The following NOL9 variants were observed in gnomAD, a reference collection of about 807,000 sequenced individuals.
NOL9 encodes the protein nucleolar protein 9.
NOL9 carries 28 observed loss-of-function variants against 67.9 expected under a neutral mutation model. The ratio of observed to expected loss-of-function variants is 0.41; its 90% CI spans 0.31 to 0.57. The LOEUF is 0.57. NOL9 is among the 20% of genes least tolerant of loss of function. The pLI is 0.25. For missense variants in NOL9, 777 were observed against 897.0 expected, an observed-to-expected ratio of 0.87 and a Z score of 1.71; for synonymous variants, 356 against 352.2, an observed-to-expected ratio of 1.01 and a Z score of -0.12.
intron 6 of NOL9, 150 bp from the exon 7 acceptor site, chr1:6,533,591 T>A: frequency 1.9e-6 from 1 of 516,918 alleles, no homozygotes; most frequent in Non-Finnish European, 3.2e-6. Context: ...ACACTCTAAT[T>A]CCATTTTTTG....
intron 1 of NOL9, among the ~76,000 whole-genome samples, chr1:6,551,749 C>T (rs967913137): frequency 3.9e-5 from 6 of 151,932 alleles, no homozygotes; most frequent in African/African-American, 1.4e-4. Flanking sequence ...AATCAAATAT[C>T]GGCCGGGTGT....
chr1:6,550,637 A>G, intron 1 of NOL9, 22 bp from the exon 2 acceptor site: 1 of 1,565,748 alleles, frequency 6.4e-7, no homozygotes, highest in Non-Finnish European at 8.8e-7. Flanking sequence ...AGAAAACAGA[A>G]AAAACATTAT....
Position 6,529,067 on chromosome 1 carries a change from C to G in NOL9, c.1752G>C (p.Gln584His). ...CATTCGTGTATCCTCTGACGTCATC[C>G]TGGATCTTGCAAAGACCAACCCAGC... is the stretch of plus-strand genomic sequence containing the variant. ...NASWVGLCKI[Q>H]DDVRGYTNGP... is the part of the protein sequence containing the mutation. The change falls in exon 10 of 12, where the codon CAG becomes CAC. Residue 584 changes from glutamine (Q) to histidine (H), a missense_variant. Physicochemically the swap from Gln to His is conservative, Grantham distance 24 (BLOSUM62 0). Coordinates refer to ENST00000377705, the MANE Select transcript of NOL9 (RefSeq NM_024654.5). The G allele has an allele frequency of 6.2e-7, 1 of 1,614,134 alleles. No individual in the cohort carries two copies. Among genetic ancestry groups the G allele is most frequent in the Non-Finnish European group, 8.5e-7 (1 of 1,180,030 alleles).
chr1:6,547,646 A>G (rs997067598), intron 3 of NOL9, among the ~76,000 whole-genome samples: 6 of 152,066 alleles, frequency 3.9e-5, no homozygotes, highest in East Asian at 1.9e-4. Flanking sequence ...CTGGAGTCCA[A>G]GAGTTCGTGA....
intron 3 of NOL9, among the ~76,000 whole-genome samples, chr1:6,546,932 G>A (rs185191475): frequency 1.9e-3 from 288 of 152,200 alleles, no homozygotes; most frequent in African/African-American, 6.6e-3. Context: ...GCTACTTCCC[G>A]GCCTCTACAG....
At chr1:6,532,167 C>A in intron 8 of NOL9, 88 bp from the exon 9 acceptor site, 1 of 1,044,346 alleles carries the variant, frequency 9.6e-7, no homozygotes. Flanking sequence ...CACATTTTCA[C>A]AGAGTACTGG....
chr1:6,529,237 C>G, intron 9 of NOL9, 66 bp from the exon 10 acceptor site: 1 of 1,396,516 alleles, frequency 7.2e-7, no homozygotes, highest in Non-Finnish European at 1.0e-6. Flanking sequence ...ATTTCTACAA[C>G]TAGATTAACC....
intron 6 of NOL9, 106 bp downstream of exon 6, chr1:6,541,724 A>G (rs909693809): frequency 3.7e-6 from 2 of 546,710 alleles, no homozygotes; most frequent in African/African-American, 1.9e-5. Context: ...TGGTAGGCGC[A>G]TGTTCCCTTT....
At chr1:6,542,073 A>C in intron 5 of NOL9, 146 bp from the exon 6 acceptor site, 1 of 468,612 alleles carries the variant, frequency 2.1e-6, no homozygotes, top group Non-Finnish European at 3.7e-6. Flanking sequence ...TCAAGATGAC[A>C]ATCGCTGTTT....
At chr1:6,527,882 G>A (rs1638927094) in intron 10 of NOL9, among the ~76,000 whole-genome samples, 1 of 151,962 alleles carries the variant, frequency 6.6e-6, no homozygotes, top group South Asian at 2.1e-4. Flanking sequence ...AGTGAACGGA[G>A]ATCACACCAT....
Position 6,525,374 on chromosome 1 carries a change from C to T in NOL9, c.*480G>A, listed in dbSNP as rs1638859304. 1 of 174,588 alleles carries T rather than the reference C, an allele frequency of 5.7e-6. No individual in the cohort carries two copies. The highest frequency in any genetic ancestry group is 5.4e-5 in the Admixed American group (1 of 18,394). The allele number at this position is 174,588 out of a possible 1,614,324, so 10.8% of individuals were successfully genotyped here. A position where few individuals can be genotyped will look rare whatever the true frequency, so the allele number is the denominator to read the frequency against. The stretch of plus-strand genomic sequence containing the variant: ...ACCAAATGGATGGGCTGTAACCATC[C>T]ACACTGGCTCCAAGGAAGCAGACCG... On this transcript the variant is annotated 3_prime_UTR_variant, in exon 12 of 12. Transcript: ENST00000377705.
intron 11 of NOL9, among the ~76,000 whole-genome samples, chr1:6,526,466 A>T (rs773980549): frequency 2.0e-5 from 3 of 152,086 alleles, no homozygotes; most frequent in Non-Finnish European, 2.9e-5. Flanking sequence ...TAAAGGCTCC[A>T]CCACGGGTTG....
intron 10 of NOL9, among the ~76,000 whole-genome samples, chr1:6,527,203 C>T (rs1461052154): frequency 6.8e-6 from 1 of 148,040 alleles, no homozygotes; most frequent in Non-Finnish European, 1.5e-5. Flanking sequence ...GCCGAGATGG[C>T]GCCACTGTAC....
intron 3 of NOL9, among the ~76,000 whole-genome samples, chr1:6,546,071 A>G (rs1316959229): frequency 6.6e-6 from 1 of 152,158 alleles, no homozygotes; most frequent in Non-Finnish European, 1.5e-5. Context: ...GCAATTATCA[A>G]TCACTGAGGG....
In NOL9 at chr1:6,525,961, T is replaced by C; in HGVS notation, c.2002A>G (p.Asn668Asp). Residue 668 changes from asparagine to aspartate, a missense_variant, in exon 12 of 12, where the codon AAT (asparagine) becomes GAT (aspartate). Around this residue, in one of 2 missense-constraint regions of NOL9, gnomAD observed 413 missense variants for 552.6 expected, o/e 0.75. Transcript: ENST00000377705. The part of the protein sequence containing the change: ...GTVPYVTTDY[N>D]FKLPGASEKI... ...TCTGATGCTCCAGGAAGTTTAAAAT[T>C]GTAATCCGTTGTGACATAAGGTACT... 2 of 1,614,054 alleles carry C rather than the reference T, an allele frequency of 1.2e-6. No homozygotes were observed. Among genetic ancestry groups the C allele is most frequent in the Non-Finnish European group, 1.7e-6 (2 of 1,179,926 alleles).
rs188220510 is a variant in NOL9, at chr1:6,542,745, C to A, written c.978-818G>T. 2.5e-3 allele frequency among the ~76,000 whole-genome samples: 380 copies of A among 151,894 alleles called. 5 individuals are homozygous for A. The highest frequency in any genetic ancestry group is 8.8e-3 in the African/African-American group (365 of 41,390). Reference sequence around the variant, plus strand: ...GTGCTGGGATTACAGGCATGAGCCACCGTGCCCAGCTAATTTTTGTATTTT... The same window carrying A: ...GTGCTGGGATTACAGGCATGAGCCAACGTGCCCAGCTAATTTTTGTATTTT... On this transcript the variant is annotated intron_variant, in intron 5 of 11. Coordinates refer to ENST00000377705, the MANE Select transcript of NOL9 (RefSeq NM_024654.5).
At chr1:6,551,514 C>T (rs1489923354) in intron 1 of NOL9, among the ~76,000 whole-genome samples, 1 of 150,764 alleles carries the variant, frequency 6.6e-6, no homozygotes, top group East Asian at 2.0e-4. Flanking sequence ...GCATGAGAAT[C>T]GCTTGAATCC....
intron 6 of NOL9, among the ~76,000 whole-genome samples, chr1:6,538,807 A>T (rs1639212366): frequency 6.6e-6 from 1 of 151,970 alleles, no homozygotes; most frequent in African/African-American, 2.4e-5. Flanking sequence ...ATGTGGTGAA[A>T]CCCTATCTCT....
At position 6,529,309 on chromosome 1, in the gene NOL9, A is replaced by T; in HGVS notation, c.1648-138T>A. The T allele has an allele frequency of 6.5e-6, 5 of 769,768 alleles. No individual in the cohort carries two copies. The South Asian group carries it at 7.3e-5, about 11-fold the overall frequency. The allele number at this position is 769,768 out of a possible 1,614,324, so 47.7% of individuals were successfully genotyped here. ...AAAAGTATCTCTAAAGAATAAAAAC[A>T]GCCAGGCACAGTGGCTCACGCATGT... On this transcript the variant is annotated intron_variant, in intron 9 of 11. Coordinates refer to ENST00000377705, the MANE Select transcript of NOL9 (RefSeq NM_024654.5).
Sources: gnomAD v4.1 joint callset for allele counts (sites outside exome capture counted in the v4.1 genomes callset) on GRCh38, gnomAD v4.1.1 for gene constraint, gnomAD v4.1.1 regional missense constraint, MANE v1.5 for transcripts, NCBI Gene and HGNC (gene_info 2026-07-23, HGNC 2026-07-21) for gene names.